HNMT: variants seen among roughly 807,000 people sequenced by gnomAD.
HNMT encodes histamine N-methyltransferase.
HNMT carries 30 observed loss-of-function variants against 32.1 expected under a neutral mutation model. The ratio of observed to expected loss-of-function variants is 0.93; its 90% CI spans 0.70 to 1.27. The LOEUF (loss-of-function observed/expected upper bound fraction) is 1.27, where lower values mean the gene tolerates loss of function less well. HNMT is among the 50% of genes most tolerant of loss of function. The pLI, the probability that HNMT is intolerant of heterozygous loss-of-function variation, is 0.00. For synonymous variants in HNMT, 125 were observed against 119.0 expected (o/e 1.05, Z -0.33); for missense variants, 327 against 346.0 (o/e 0.95, Z 0.43).
At chr2:137,970,121 C>T (rs775561168) in intron 1 of HNMT, 44 bp from the exon 2 acceptor site, 1 of 1,025,118 alleles carries the variant, frequency 9.8e-7, no homozygotes, top group Non-Finnish European at 1.5e-6. Flanking sequence ...TTTCACAAAG[C>T]ACCTAACACA....
At chr2:137,980,443 G>A (rs1408944460) in intron 2 of HNMT, among the ~76,000 whole-genome samples, 5 of 152,302 alleles carry the variant, frequency 3.3e-5, no homozygotes, top group Middle Eastern at 6.8e-3. Flanking sequence ...GCCTAGCACC[G>A]AGTATACTTC....
chr2:137,993,671 A>G (rs1278922856), intron 2 of HNMT, among the ~76,000 whole-genome samples: 4 of 152,204 alleles, frequency 2.6e-5, no homozygotes, highest in African/African-American at 9.6e-5. Flanking sequence ...GAGGAAAAAC[A>G]GAGAACATCA....
At chr2:138,011,911 T>C (rs1183753715) in intron 5 of HNMT, among the ~76,000 whole-genome samples, 1 of 152,118 alleles carries the variant, frequency 6.6e-6, no homozygotes, top group Non-Finnish European at 1.5e-5. Context: ...CACAGGTTCA[T>C]AAAGTTGGTA....
chr2:137,982,985 T>C (rs1172087954), intron 2 of HNMT, among the ~76,000 whole-genome samples: 2 of 152,192 alleles, frequency 1.3e-5, no homozygotes, highest in Non-Finnish European at 2.9e-5. Context: ...TGGTTTAAGA[T>C]GCATTTCATC....
intron 2 of HNMT, among the ~76,000 whole-genome samples, chr2:137,987,860 A>G (rs1680695109): frequency 6.6e-6 from 1 of 151,990 alleles, no homozygotes; most frequent in African/African-American, 2.4e-5. Flanking sequence ...TGTGTTGCCA[A>G]CTCCAGTCAA....
chr2:138,006,575 C>G (rs3791229), intron 5 of HNMT, among the ~76,000 whole-genome samples: 32,358 of 151,858 alleles, frequency 0.21, 3,741 homozygotes, highest in South Asian at 0.3. Context: ...GAATAGTCCA[C>G]AAGTAACTGA....
At chr2:137,964,788 T>G (rs1679904346) in intron 1 of HNMT, among the ~76,000 whole-genome samples, 160 bp downstream of exon 1, 3 of 152,168 alleles carry the variant, frequency 2.0e-5, no homozygotes, top group African/African-American at 2.4e-5. Context: ...TGCCCTGCCT[T>G]TCTCCTGCAG....
chr2:137,990,745 A>T (rs952566181), intron 2 of HNMT, among the ~76,000 whole-genome samples: 3 of 151,962 alleles, frequency 2.0e-5, no homozygotes, highest in Non-Finnish European at 2.9e-5. Flanking sequence ...TGAGGGAAAA[A>T]CTCAAACTTT....
intron 2 of HNMT, among the ~76,000 whole-genome samples, chr2:137,984,917 C>A (rs1680607239): frequency 6.6e-6 from 1 of 152,018 alleles, no homozygotes; most frequent in Non-Finnish European, 1.5e-5. Context: ...ATTCTGGTAG[C>A]ACTATAAGGA....
intron 2 of HNMT, among the ~76,000 whole-genome samples, chr2:137,987,895 G>A (rs1680695860): frequency 6.6e-6 from 1 of 152,158 alleles, no homozygotes; most frequent in African/African-American, 2.4e-5. Context: ...GTGTCTGGAA[G>A]ATTCTCATGC....
intron 4 of HNMT, among the ~76,000 whole-genome samples, chr2:138,002,958 T>A (rs1480506389): frequency 6.6e-6 from 1 of 151,562 alleles, no homozygotes; most frequent in Non-Finnish European, 1.5e-5. Flanking sequence ...GACTCATACA[T>A]GTTATAGAAA....
At chr2:137,966,031 T>C (rs780535458) in intron 1 of HNMT, among the ~76,000 whole-genome samples, 4 of 152,232 alleles carry the variant, frequency 2.6e-5, no homozygotes, top group African/African-American at 4.8e-5. Context: ...GTCATTTATT[T>C]TTTTCCTGAA....
chr2:137,993,103 A>G (rs950871713), intron 2 of HNMT, among the ~76,000 whole-genome samples: 1 of 152,184 alleles, frequency 6.6e-6, no homozygotes, highest in African/African-American at 2.4e-5. Context: ...GAAAGAATCA[A>G]TGAAACAATG....
chr2:138,008,627 C>T (rs1012293470), intron 5 of HNMT, among the ~76,000 whole-genome samples: 2 of 151,970 alleles, frequency 1.3e-5, no homozygotes, highest in African/African-American at 4.8e-5. Flanking sequence ...GGCCGCACAC[C>T]TACGACCATC....
At chr2:137,993,059 C>G (rs969362770) in intron 2 of HNMT, among the ~76,000 whole-genome samples, 3 of 152,150 alleles carry the variant, frequency 2.0e-5, no homozygotes, top group African/African-American at 7.2e-5. Context: ...TCAGCAGCCT[C>G]AAAGACCAAA....
At chr2:137,966,085 G>A (rs1679949056) in intron 1 of HNMT, among the ~76,000 whole-genome samples, 1 of 152,146 alleles carries the variant, frequency 6.6e-6, no homozygotes, top group Non-Finnish European at 1.5e-5. Context: ...TTTTAAAATT[G>A]TTACTTAGAG....
intron 1 of HNMT, among the ~76,000 whole-genome samples, chr2:137,968,608 G>A (rs775111605): frequency 9.9e-5 from 15 of 152,172 alleles, no homozygotes; most frequent in Non-Finnish European, 1.8e-4. Flanking sequence ...ATTTCAACTT[G>A]GGTGCTCTGC....
intron 2 of HNMT, among the ~76,000 whole-genome samples, chr2:137,987,402 C>A (rs1215911905): frequency 6.6e-6 from 1 of 152,058 alleles, no homozygotes; most frequent in East Asian, 1.9e-4. Context: ...ACATTTTTTT[C>A]ACTTACCCCT....
Position 138,015,352 on chromosome 2 carries a change from G to C in HNMT, c.*1222G>C, listed in dbSNP as rs1309516392. 2.0e-5 allele frequency: 3 copies of C among 152,048 alleles called. 1 individual carries two copies. Among genetic ancestry groups the C allele is most frequent in the Non-Finnish European group, 4.4e-5 (3 of 68,000 alleles). 9.4% of individuals were successfully genotyped at this position (152,048 alleles called of 1,614,324 possible). On this transcript the variant is annotated 3_prime_UTR_variant, in exon 6 of 6. Transcript: ENST00000280097. ...GCTCATGAGCCCTCATTCTGCCAGT[G>C]AGGAAGCCTTCAACCCCGTGTGATA...
Sources: allele counts gnomAD v4.1 joint callset (sites outside exome capture counted in the v4.1 genomes callset), GRCh38; gene constraint gnomAD v4.1.1; transcripts MANE v1.5; gene names NCBI Gene and HGNC (gene_info 2026-07-23, HGNC 2026-07-21).